The following CCDC148 variants were observed in gnomAD, a reference collection of about 807,000 sequenced individuals.
CCDC148 encodes coiled-coil domain containing 148.
A neutral mutation model predicts 85.7 loss-of-function variants in CCDC148; 89 were observed. That is an observed-to-expected ratio of 1.04 (90% CI 0.87 to 1.24). The LOEUF (loss-of-function observed/expected upper bound fraction) is 1.24, where lower values mean the gene tolerates loss of function less well. Among genes scored for constraint, CCDC148 ranks in the 50% most tolerant of loss-of-function variants. CCDC148 has a pLI of 0.00. For missense variants in CCDC148, 692 were observed against 671.7 expected (o/e 1.03, Z -0.33); for synonymous variants, 230 against 213.9 (o/e 1.08, Z -0.66).
intron 11 of CCDC148, among the ~76,000 whole-genome samples, chr2:158,196,602 A>T (rs1190176582): frequency 1.3e-5 from 2 of 152,134 alleles, no homozygotes; most frequent in East Asian, 3.8e-4. Context: ...TTTCCTTTCG[A>T]TATGGTCCAA....
intron 11 of CCDC148, among the ~76,000 whole-genome samples, chr2:158,207,238 T>A (rs901564608): frequency 6.6e-6 from 1 of 152,202 alleles, no homozygotes; most frequent in Non-Finnish European, 1.5e-5. Flanking sequence ...GATACTGCTG[T>A]CCTTATAAGA....
At chr2:158,358,362 C>T in intron 2 of CCDC148, 87 bp downstream of exon 2, 2 of 1,465,166 alleles carry the variant, frequency 1.4e-6, no homozygotes, top group Non-Finnish European at 1.8e-6. Flanking sequence ...TTTGGAATGT[C>T]ATTTATTTTC....
At chr2:158,310,903 C>T (rs1040508887) in intron 8 of CCDC148, among the ~76,000 whole-genome samples, 2 of 151,006 alleles carry the variant, frequency 1.3e-5, no homozygotes, top group African/African-American at 4.9e-5. Flanking sequence ...GGGCTCCTCA[C>T]ATCCCAGACG....
chr2:158,264,763 T>G (rs960481333), intron 9 of CCDC148, among the ~76,000 whole-genome samples: 6 of 152,090 alleles, frequency 3.9e-5, no homozygotes, highest in Admixed American at 1.3e-4. Flanking sequence ...TTTTTCCAAA[T>G]AGATACTAAA....
At chr2:158,295,452 G>A (rs1283223793) in intron 9 of CCDC148, among the ~76,000 whole-genome samples, 9 of 151,972 alleles carry the variant, frequency 5.9e-5, no homozygotes, top group African/African-American at 1.9e-4. Flanking sequence ...TATCCTTGAT[G>A]AACACTGACG....
At chr2:158,292,263 G>A (rs1241721471) in intron 9 of CCDC148, among the ~76,000 whole-genome samples, 2 of 152,040 alleles carry the variant, frequency 1.3e-5, no homozygotes, top group African/African-American at 4.8e-5. Context: ...AGTCTTCAGC[G>A]AAAATACTCT....
rs1463051743 is a variant in CCDC148, at chr2:158,355,395, G to A, written c.147+3054C>T. Among the ~76,000 whole-genome samples, 18 of 152,184 alleles carry A rather than the reference G, an allele frequency of 1.2e-4. No homozygotes were observed. The East Asian group carries it at 2.1e-3, about 18-fold the overall frequency. On this transcript the variant is annotated intron_variant, in intron 2 of 13. Transcript: ENST00000283233. Reference sequence around the variant, plus strand: ...CTTCAGCAAAGTCTCAGGATACAAAGTCAATGTACAAAAATCAGAAGCATT... The same window carrying A: ...CTTCAGCAAAGTCTCAGGATACAAAATCAATGTACAAAAATCAGAAGCATT...
chr2:158,301,809 A>G (rs1691456462), intron 9 of CCDC148, among the ~76,000 whole-genome samples: 1 of 152,182 alleles, frequency 6.6e-6, no homozygotes, highest in Non-Finnish European at 1.5e-5. Flanking sequence ...ATTAGGTAAT[A>G]CGGTGGTCAC....
intron 9 of CCDC148, among the ~76,000 whole-genome samples, chr2:158,270,954 A>G (rs1689671735): frequency 6.6e-6 from 1 of 152,208 alleles, no homozygotes; most frequent in African/African-American, 2.4e-5. Flanking sequence ...TAAATGCTGG[A>G]AAATAGCTCC....
At chr2:158,392,773 A>G (rs1354325918) in intron 1 of CCDC148, among the ~76,000 whole-genome samples, 2 of 152,142 alleles carry the variant, frequency 1.3e-5, no homozygotes, top group Non-Finnish European at 2.9e-5. Context: ...ATATAAATCT[A>G]TATTTTAAAT....
intron 2 of CCDC148, among the ~76,000 whole-genome samples, chr2:158,354,488 T>A (rs1683512612): frequency 6.6e-6 from 1 of 151,868 alleles, no homozygotes; most frequent in African/African-American, 2.4e-5. Context: ...AAGAAATGGA[T>A]AAATTCCTCG....
intron 10 of CCDC148, among the ~76,000 whole-genome samples, chr2:158,222,903 C>T (rs11889367): frequency 0.13 from 19,293 of 152,058 alleles, 1,538 homozygotes; most frequent in African/African-American, 0.24. Flanking sequence ...AGGCAGAAGA[C>T]GGGTGATTTC....
At chr2:158,248,916 TC>T (rs1297421008) in intron 10 of CCDC148, among the ~76,000 whole-genome samples, 1 of 152,140 alleles carries the variant, frequency 6.6e-6, no homozygotes, top group Non-Finnish European at 1.5e-5. Context: ...ATTACTCTGT[TC>T]AGTTCTTGTT....
chr2:158,333,549 T>C (rs1379810653), intron 7 of CCDC148, among the ~76,000 whole-genome samples: 1 of 152,172 alleles, frequency 6.6e-6, no homozygotes, highest in Non-Finnish European at 1.5e-5. Flanking sequence ...GGTCCTGAGC[T>C]GTGTTCATTT....
At chr2:158,387,007 T>G (rs1375995770) in intron 1 of CCDC148, among the ~76,000 whole-genome samples, 1 of 152,188 alleles carries the variant, frequency 6.6e-6, no homozygotes, top group African/African-American at 2.4e-5. Context: ...AAAATGGGAC[T>G]ATAAAAAATA....
intron 1 of CCDC148, among the ~76,000 whole-genome samples, chr2:158,424,054 A>T (rs938840268): frequency 6.6e-6 from 1 of 152,240 alleles, no homozygotes; most frequent in African/African-American, 2.4e-5. Flanking sequence ...GATCATTAAA[A>T]AGTGAGGAAA....
chr2:158,306,168 C>T (rs1691676045), intron 9 of CCDC148, among the ~76,000 whole-genome samples: 2 of 152,184 alleles, frequency 1.3e-5, no homozygotes, highest in South Asian at 4.2e-4. Flanking sequence ...TGTTCTATAT[C>T]TTGATTATAG....
At chr2:158,439,602 G>C (rs1354271123) in intron 1 of CCDC148, among the ~76,000 whole-genome samples, 3 of 151,872 alleles carry the variant, frequency 2.0e-5, no homozygotes, top group Admixed American at 6.6e-5. Context: ...TTGTGCACAT[G>C]TACCCTGGAA....
intron 7 of CCDC148, among the ~76,000 whole-genome samples, chr2:158,328,625 C>A (rs1692921029): frequency 6.6e-6 from 1 of 152,124 alleles, no homozygotes. Context: ...TTTACAGTCC[C>A]ACCAACAGTG....
Sources: gnomAD v4.1 joint callset for allele counts (sites outside exome capture counted in the v4.1 genomes callset) on GRCh38, gnomAD v4.1.1 for gene constraint, MANE v1.5 for transcripts, NCBI Gene and HGNC (gene_info 2026-07-23, HGNC 2026-07-21) for gene names.